Variants in UROC1 observed in about 807,000 individuals in gnomAD.
The protein encoded by UROC1 is urocanate hydratase.
A neutral mutation model predicts 89.5 loss-of-function variants in UROC1; 79 were observed. The ratio of observed to expected loss-of-function variants is 0.88; its 90% CI spans 0.74 to 1.06. The LOEUF is 1.06. Ranked by LOEUF, UROC1 falls within the 50% of genes least tolerant of loss-of-function variation. UROC1 has a pLI of 0.00. For synonymous variants in UROC1, 361 were observed against 354.8 expected, an observed-to-expected ratio of 1.02 and a Z score of -0.20; for missense variants, 885 against 907.8, an observed-to-expected ratio of 0.97 and a Z score of 0.32.
intron 18 of UROC1, among the ~76,000 whole-genome samples, chr3:126,487,508 C>T (rs2107533580): frequency 6.6e-6 from 1 of 152,336 alleles, no homozygotes; most frequent in Middle Eastern, 3.4e-3. Flanking sequence ...GGACTTGGCT[C>T]TGGAGGGCAG....
In UROC1 at chr3:126,507,990, G is replaced by A. The variant is rs546955698; in HGVS notation, c.517C>T (p.Arg173Trp). 3.2e-5 allele frequency: 51 copies of A among 1,613,988 alleles called. No individual in the cohort carries two copies. The highest frequency in any genetic ancestry group is 8.0e-5 in the African/African-American group (6 of 75,044). ...ACCATCCCATTGGTGATGACGAGCC[G>A]TGGGGCACTGCGGCTGCTGGGAAAG... ...GLFPSSRSAP[R>W]LVITNGMVIP... is the part of the protein sequence containing the mutation. Residue 173 changes from arginine to tryptophan, a missense_variant, in exon 5 of 20, where the codon CGG becomes TGG. Physicochemically the swap from Arg to Trp is moderately radical, Grantham distance 101. Transcript: ENST00000290868.
rs912383776 is a variant in UROC1 at position 126,482,298 on chromosome 3, G to A, written c.*47C>T. 6 of 1,607,510 alleles carry A rather than the reference G, an allele frequency of 3.7e-6. No individual in the cohort carries two copies. The highest frequency in any genetic ancestry group is 4.2e-6 in the Non-Finnish European group (5 of 1,176,852). On this transcript the variant is annotated 3_prime_UTR_variant, in exon 20 of 20. Transcript: ENST00000290868. ...GTGTGTGCCATGGCTGGGCAGGTGAGGATCGCCAGGGAGGAAGGGAGGCAG... is the reference window on the plus strand; with the variant it reads ...GTGTGTGCCATGGCTGGGCAGGTGAAGATCGCCAGGGAGGAAGGGAGGCAG...
chr3:126,505,661 G>GAGGGAGGC, intron 8 of UROC1, 40 bp downstream of exon 8: 7 of 1,492,552 alleles, frequency 4.7e-6, no homozygotes, highest in Non-Finnish European at 6.5e-6. Context: ...GGGAGGGAGG[G>GAGGGAGGC]AGGCAGGCAG....
At chr3:126,485,417 G>A (rs934035098) in intron 18 of UROC1, among the ~76,000 whole-genome samples, 1 of 151,968 alleles carries the variant, frequency 6.6e-6, no homozygotes, top group Non-Finnish European at 1.5e-5. Flanking sequence ...CCCTGCACAT[G>A]GGCAGAAGGC....
In UROC1 at chr3:126,482,265, C is replaced by G; in HGVS notation, c.*80G>C. Reference sequence around the variant, plus strand: ...GAGAAGTGCAGGTAGTGCGGGTGTGCAGGAAGGGTGTGTGCCATGGCTGGG... The same window carrying G: ...GAGAAGTGCAGGTAGTGCGGGTGTGGAGGAAGGGTGTGTGCCATGGCTGGG... On this transcript the variant is annotated 3_prime_UTR_variant, in exon 20 of 20. Transcript: ENST00000290868. 6.3e-7 allele frequency: 1 copy of G among 1,587,320 alleles called. No homozygotes were observed. The highest frequency in any genetic ancestry group is 8.6e-7 in the Non-Finnish European group (1 of 1,162,900).
intron 16 of UROC1, among the ~76,000 whole-genome samples, chr3:126,491,915 C>T (rs1057496179): frequency 3.9e-5 from 6 of 152,156 alleles, no homozygotes; most frequent in African/African-American, 9.7e-5. Context: ...GAGAGGGCTA[C>T]GGACCTGCCC....
intron 1 of UROC1, 58 bp from the exon 2 acceptor site, chr3:126,510,852 G>A: frequency 6.3e-7 from 1 of 1,593,978 alleles, no homozygotes; most frequent in South Asian, 1.1e-5. Flanking sequence ...GGTGTTCTGA[G>A]GCCCCGCGAT....
chr3:126,499,230 G>T, intron 13 of UROC1, 107 bp downstream of exon 13: 2 of 1,237,862 alleles, frequency 1.6e-6, no homozygotes, highest in Non-Finnish European at 2.3e-6. Flanking sequence ...GACCTCAGGG[G>T]CGGTCAGAGG....
chr3:126,483,406 C>T lies in UROC1; in HGVS notation c.1853G>A (p.Arg618Lys), dbSNP rs1935436735. 1 of 1,613,740 alleles carries T rather than the reference C, an allele frequency of 6.2e-7. No homozygotes were observed. Among genetic ancestry groups the T allele is most frequent in the Non-Finnish European group, 8.5e-7 (1 of 1,180,044 alleles). The part of the protein sequence containing the change: ...VLDGTPEAEG[R>K]ARLMLSWDVS... ...ATCCCAGCTGAGCATCAGCCTGGCT[C>T]TCCCCTCGGCCTCCGGGGTACCGTC... The change falls in exon 19 of 20, where the codon AGA (arginine) becomes AAA (lysine). Residue 618 changes from arginine to lysine, a missense_variant. Physicochemically the swap from Arg to Lys is conservative, Grantham distance 26. Coordinates refer to ENST00000290868, the MANE Select transcript of UROC1 (RefSeq NM_144639.3).
intron 18 of UROC1, among the ~76,000 whole-genome samples, chr3:126,484,399 C>G (rs181986367): frequency 7.4e-4 from 113 of 152,330 alleles, no homozygotes; most frequent in Middle Eastern, 3.4e-3. Flanking sequence ...CAAGAAGCAC[C>G]CTTAATTTTG....
intron 3 of UROC1, among the ~76,000 whole-genome samples, chr3:126,508,989 A>T (rs1371366982): frequency 6.6e-6 from 1 of 152,184 alleles, no homozygotes; most frequent in Non-Finnish European, 1.5e-5. Context: ...CTCCTTGCAT[A>T]GATACACCCC....
intron 14 of UROC1, among the ~76,000 whole-genome samples, chr3:126,496,589 G>A (rs774448653): frequency 1.3e-5 from 2 of 152,212 alleles, no homozygotes; most frequent in East Asian, 3.8e-4. Context: ...AGGCCCTGAG[G>A]TGAAAATAAA....
chr3:126,496,685 G>A, intron 14 of UROC1, among the ~76,000 whole-genome samples: 1 of 152,226 alleles, frequency 6.6e-6, no homozygotes, highest in Non-Finnish European at 1.5e-5. Context: ...ACCAGCTCGT[G>A]AAAGCAGACT....
At position 126,498,163 on chromosome 3, in the gene UROC1, G is replaced by T. The variant is rs1352547421; in HGVS notation, c.1326C>A (p.Phe442Leu). The change falls in exon 14 of 20, where the codon TTC (phenylalanine) becomes TTA (leucine). Residue 442 changes from phenylalanine (F) to leucine (L), a missense_variant. Transcript: ENST00000290868. ...AGCGGAAAGGCCCAAATCCCTGGGA[G>T]AATATGTCCCTGCAAGCACAGATGC... ...SYVQHIMGDI[F>L]SQGFGPFRWV... 1 of 1,614,218 alleles carries T rather than the reference G, an allele frequency of 6.2e-7. No individual in the cohort carries two copies. Among genetic ancestry groups the T allele is most frequent in the Admixed American group, 1.7e-5 (1 of 60,030 alleles).
In UROC1 at chr3:126,496,162, C is replaced by T. The variant is rs150606050; in HGVS notation, c.1439-54G>A. 2.2e-4 allele frequency: 341 copies of T among 1,571,476 alleles called. No homozygotes were observed. In the African/African-American group the frequency reaches 3.8e-3, roughly 17 times the overall value. Reference sequence around the variant, plus strand: ...AGACCCTCCAGGGGCACAGACCTGCCCTCAGGCAGGCTGCTCAGCTCAGCA... The same window carrying T: ...AGACCCTCCAGGGGCACAGACCTGCTCTCAGGCAGGCTGCTCAGCTCAGCA... On this transcript the variant is annotated intron_variant, in intron 14 of 19. Coordinates refer to ENST00000290868, the MANE Select transcript of UROC1 (RefSeq NM_144639.3).
At chr3:126,508,551 C>A in intron 3 of UROC1, 76 bp from the exon 4 acceptor site, 2 of 1,275,916 alleles carry the variant, frequency 1.6e-6, no homozygotes, top group Non-Finnish European at 2.2e-6. Context: ...AGAGAAAGGG[C>A]CCCCATCCCC....
rs147828466 is a variant in UROC1 at position 126,517,680 on chromosome 3, G to A, written c.40C>T (p.Arg14Trp). 1.6e-3 allele frequency: 2,498 copies of A among 1,599,882 alleles called. 2 individuals carry two copies. Among genetic ancestry groups the A allele is most frequent in the Non-Finnish European group, 1.9e-3 (2,269 of 1,174,018 alleles). Residue 14 changes from arginine (R) to tryptophan (W), a missense_variant, in exon 1 of 20, where the codon CGG (arginine) becomes TGG (tryptophan). Physicochemically the swap from Arg to Trp is moderately radical, Grantham distance 101. Transcript: ENST00000290868. ...CGTCCCCGGTTCTCTGGGAGGGGCC[G>A]CAGGGGCAGGCCAGAGCACAGCGCC... ...LQALCSGLPL[R>W]PLPENRGRQA...
chr3:126,486,358 C>A (rs1935515548), intron 18 of UROC1, among the ~76,000 whole-genome samples: 1 of 152,242 alleles, frequency 6.6e-6, no homozygotes, highest in Non-Finnish European at 1.5e-5. Context: ...GTCCAACCAA[C>A]CCAAGAACAA....
In UROC1 at chr3:126,496,091, G is replaced by A; in HGVS notation, c.1456C>T (p.Leu486=). Residue 486 remains leucine, a synonymous_variant, in exon 15 of 20, where the codon CTG becomes TTG. Transcript: ENST00000290868. The stretch of plus-strand genomic sequence containing the variant: ...CAGCGGATGTTGTCCATGTACTGCA[G>A]CTTCACAGACACCTTCACTGCAGGA... ...IADGVKVSVK[L]QYMDNIRWIR... The A allele has an allele frequency of 6.2e-7, 1 of 1,613,366 alleles. No individual in the cohort carries two copies. The highest frequency in any genetic ancestry group is 8.5e-7 in the Non-Finnish European group (1 of 1,179,962).
Sources: gnomAD v4.1 joint callset for allele counts (sites outside exome capture counted in the v4.1 genomes callset) on GRCh38, gnomAD v4.1.1 for gene constraint, MANE v1.5 for transcripts, NCBI Gene and HGNC (gene_info 2026-07-23, HGNC 2026-07-21) for gene names.